COL14A1: variants seen among roughly 807,000 people sequenced by gnomAD.
The protein encoded by COL14A1 is collagen type XIV alpha 1 chain.
Under a neutral mutation model 230.3 loss-of-function variants are expected in COL14A1, and 136 were observed. The ratio of observed to expected loss-of-function variants is 0.59; its 90% confidence interval spans 0.51 to 0.68. The LOEUF is 0.68. COL14A1 is among the 30% of genes least tolerant of loss of function. The pLI, the probability that COL14A1 is intolerant of heterozygous loss-of-function variation, is 0.00. For synonymous variants in COL14A1, 792 were observed against 784.1 expected (o/e 1.01, Z -0.17); for missense variants, 1,976 against 2,215.8 (o/e 0.89, Z 2.17).
At chr8:120,264,614 G>A (rs925605020) in intron 24 of COL14A1, among the ~76,000 whole-genome samples, 3 of 152,082 alleles carry the variant, frequency 2.0e-5, no homozygotes, top group African/African-American at 7.2e-5. Context: ...TTTCTTAAAG[G>A]TCATAAACTA....
intron 46 of COL14A1, among the ~76,000 whole-genome samples, chr8:120,368,325 C>T (rs962305009): frequency 1.3e-5 from 2 of 151,880 alleles, no homozygotes; most frequent in Non-Finnish European, 2.9e-5. Context: ...TTGGAAAATA[C>T]TTTTTCTGAG....
intron 24 of COL14A1, among the ~76,000 whole-genome samples, chr8:120,266,259 T>C (rs116983050): frequency 6.6e-6 from 1 of 152,138 alleles, no homozygotes; most frequent in East Asian, 1.9e-4. Flanking sequence ...GGACTTCTCA[T>C]CCCACATAAT....
intron 2 of COL14A1, among the ~76,000 whole-genome samples, chr8:120,150,445 T>C (rs1454979735): frequency 6.6e-6 from 1 of 152,180 alleles, no homozygotes; most frequent in Non-Finnish European, 1.5e-5. Flanking sequence ...AGAAAAGTTG[T>C]CTGCTGATTA....
In COL14A1 at chr8:120,203,792, G is replaced by C. The variant is rs367633536; in HGVS notation, c.961G>C (p.Asp321His). 6.2e-7 allele frequency: 1 copy of C among 1,613,910 alleles called. No homozygotes were observed. The highest frequency in any genetic ancestry group is 1.7e-5 in the Admixed American group (1 of 59,966). Residue 321 changes from aspartate (D) to histidine (H), a missense_variant, in exon 9 of 48, where the codon GAT becomes CAT. Physicochemically the swap from Asp to His is moderately conservative, Grantham distance 81. Transcript: ENST00000297848. ...TCATGTGTACAATGTTGCCGAATTC[G>C]ATCTGATGCACACAGTTGTGGAGAG... ...STHVYNVAEF[D>H]LMHTVVESLT...
chr8:120,168,309 A>T, intron 5 of COL14A1, 62 bp downstream of exon 5: 1 of 1,199,226 alleles, frequency 8.3e-7, no homozygotes, highest in Non-Finnish European at 1.2e-6. Flanking sequence ...CACAGGCAAT[A>T]CTCACATGTG....
Position 120,196,881 on chromosome 8 carries a change from T to C in COL14A1, c.527T>C (p.Leu176Pro). The change falls in exon 6 of 48, where the codon CTG becomes CCG. Residue 176 changes from leucine (L) to proline (P), a missense_variant. Leu to Pro is a moderately conservative substitution (Grantham distance 98). Around this residue, in one of 3 missense-constraint regions of COL14A1, gnomAD observed 1,791 missense variants for 2,019.5 expected, o/e 0.89. Coordinates refer to ENST00000297848, the MANE Select transcript of COL14A1 (RefSeq NM_021110.4). ...AGTATTGGAAGATTCAACTTCAGAC[T>C]GGTTCGGCATTTCTTGGAAAACCTG... ...SWSIGRFNFR[L>P]VRHFLENLVT... 2 of 1,614,156 alleles carry C rather than the reference T, an allele frequency of 1.2e-6. No individual in the cohort carries two copies. Among genetic ancestry groups the C allele is most frequent in the Non-Finnish European group, 1.7e-6 (2 of 1,179,986 alleles).
At chr8:120,213,150 G>A (rs1304330608) in intron 13 of COL14A1, among the ~76,000 whole-genome samples, 1 of 152,058 alleles carries the variant, frequency 6.6e-6, no homozygotes, top group Non-Finnish European at 1.5e-5. Flanking sequence ...TTTCAATTGA[G>A]TAAAAATTTT....
At chr8:120,232,670 A>G (rs1260972023) in intron 19 of COL14A1, among the ~76,000 whole-genome samples, 2 of 152,134 alleles carry the variant, frequency 1.3e-5, no homozygotes, top group East Asian at 1.9e-4. Context: ...TCTATCATTG[A>G]TGGGCATTTG....
intron 13 of COL14A1, among the ~76,000 whole-genome samples, chr8:120,213,731 A>G (rs144288329): frequency 6.6e-6 from 1 of 151,700 alleles, no homozygotes. Context: ...AATATGTACA[A>G]CTCCTTCCCA....
At chr8:120,346,167 C>A (rs1822502130) in intron 45 of COL14A1, among the ~76,000 whole-genome samples, 1 of 152,140 alleles carries the variant, frequency 6.6e-6, no homozygotes, top group Non-Finnish European at 1.5e-5. Flanking sequence ...GTTTCATGGG[C>A]CAATGTTTTG....
chr8:120,333,958 A>T (rs1821959098), intron 42 of COL14A1, among the ~76,000 whole-genome samples: 1 of 152,234 alleles, frequency 6.6e-6, no homozygotes, highest in African/African-American at 2.4e-5. Flanking sequence ...TCCCTAGATA[A>T]TTCCCAGATC....
chr8:120,249,454 G>A (rs933269887), intron 21 of COL14A1, among the ~76,000 whole-genome samples: 1 of 152,122 alleles, frequency 6.6e-6, no homozygotes. Context: ...CAATGTTTTT[G>A]TCTGTTTGCT....
At chr8:120,142,842 G>A (rs937037503) in intron 1 of COL14A1, among the ~76,000 whole-genome samples, 5 of 152,116 alleles carry the variant, frequency 3.3e-5, no homozygotes, top group Non-Finnish European at 5.9e-5. Context: ...TTTAAAAAAA[G>A]CTTAGTTGTC....
chr8:120,239,766 C>T (rs1406644412), intron 19 of COL14A1, among the ~76,000 whole-genome samples: 1 of 150,706 alleles, frequency 6.6e-6, no homozygotes, highest in Non-Finnish European at 1.5e-5. Flanking sequence ...AATTGAGTTC[C>T]TAAAAATGAG....
At chr8:120,302,110 A>T (rs1351607941) in intron 36 of COL14A1, among the ~76,000 whole-genome samples, 3 of 152,042 alleles carry the variant, frequency 2.0e-5, no homozygotes, top group Admixed American at 1.3e-4. Flanking sequence ...AATTTGTTTA[A>T]GTTCCTAATA....
intron 3 of COL14A1, among the ~76,000 whole-genome samples, chr8:120,158,523 G>A (rs770264631): frequency 3.9e-5 from 6 of 152,020 alleles, no homozygotes; most frequent in Admixed American, 2.0e-4. Context: ...TGAATTCATT[G>A]GAACTTAAAT....
chr8:120,174,653 T>C (rs114972192), intron 5 of COL14A1, among the ~76,000 whole-genome samples: 9 of 152,288 alleles, frequency 5.9e-5, no homozygotes, highest in African/African-American at 2.2e-4. Context: ...AAAGGGTTTA[T>C]TGTAGTGATG....
At position 120,243,942 on chromosome 8, in the gene COL14A1, A is replaced by G. The variant is rs1174626234; in HGVS notation, c.2413A>G (p.Lys805Glu). The change falls in exon 20 of 48, where the codon AAA (lysine) becomes GAA (glutamate). Residue 805 changes from lysine to glutamate, a missense_variant. By Grantham distance (56) the Lys-to-Glu change is moderately conservative. This residue lies in a region of COL14A1 where 1,791 missense variants were observed against 2,019.5 expected (regional missense o/e 0.89). Transcript: ENST00000297848. ...GCCTCTGCTTCCTGATACTGAATACAAAGTCACAGTGACTCCCATCTACAC... is the reference window on the plus strand; with the variant it reads ...GCCTCTGCTTCCTGATACTGAATACGAAGTCACAGTGACTCCCATCTACAC... ...LKPLLPDTEY[K>E]VTVTPIYTDG... is the part of the protein sequence containing the mutation. 1.9e-6 allele frequency: 3 copies of G among 1,613,480 alleles called. No individual in the cohort carries two copies. The highest frequency in any genetic ancestry group is 2.5e-6 in the Non-Finnish European group (3 of 1,179,714).
chr8:120,222,949 T>C (rs1485924866), intron 14 of COL14A1, among the ~76,000 whole-genome samples: 2 of 152,124 alleles, frequency 1.3e-5, no homozygotes, highest in Non-Finnish European at 1.5e-5. Context: ...ACCCTACTTA[T>C]AGGTGGAAAG....
Sources: gnomAD v4.1 joint callset for allele counts (sites outside exome capture counted in the v4.1 genomes callset) on GRCh38, gnomAD v4.1.1 for gene constraint, gnomAD v4.1.1 regional missense constraint, MANE v1.5 for transcripts, NCBI Gene and HGNC (gene_info 2026-07-23, HGNC 2026-07-21) for gene names.